RMDN2: variants seen among roughly 807,000 people sequenced by gnomAD.
RMDN2 encodes the protein regulator of microtubule dynamics 2, also known as regulator of microtubule dynamics protein 2.
Under a neutral mutation model 52.8 loss-of-function variants are expected in RMDN2, and 61 were observed. The ratio of observed to expected loss-of-function variants is 1.16; its 90% CI spans 0.94 to 1.43. The LOEUF (loss-of-function observed/expected upper bound fraction) is 1.43. RMDN2 is among the 40% of genes most tolerant of loss of function. The pLI, the probability that RMDN2 is intolerant of heterozygous loss-of-function variation, is 0.00. For missense variants in RMDN2, 592 were observed against 475.3 expected, an observed-to-expected ratio of 1.25 and a Z score of -2.28; for synonymous variants, 180 against 153.1, an observed-to-expected ratio of 1.18 and a Z score of -1.30.
At chr2:38,056,874 C>T (rs2125304832) in intron 10 of RMDN2, among the ~76,000 whole-genome samples, 1 of 152,204 alleles carries the variant, frequency 6.6e-6, no homozygotes, top group South Asian at 2.1e-4. Context: ...TTTTTTCCTT[C>T]CATTTAACTG....
chr2:37,921,854 G>A (rs546383470), upstream of RMDN2, among the ~76,000 whole-genome samples: 1 of 152,276 alleles, frequency 6.6e-6, no homozygotes, highest in African/African-American at 2.4e-5. Context: ...TAGATTGTTG[G>A]GAAAATGGAA....
intron 1 of RMDN2, among the ~76,000 whole-genome samples, chr2:37,926,167 T>TA (rs1666261231): frequency 6.6e-6 from 1 of 152,236 alleles, no homozygotes; most frequent in Admixed American, 6.5e-5. Flanking sequence ...CCGAGTTTAT[T>TA]AGAGTTATGC....
upstream of RMDN2, among the ~76,000 whole-genome samples, chr2:37,921,534 T>A (rs1010555478): frequency 6.6e-6 from 1 of 152,218 alleles, no homozygotes; most frequent in Admixed American, 6.5e-5. Context: ...ATGATCAGAT[T>A]TGAGAATTCA....
At chr2:37,940,773 TC>T (rs1471373050) in intron 2 of RMDN2, among the ~76,000 whole-genome samples, 1 of 152,192 alleles carries the variant, frequency 6.6e-6, no homozygotes, top group Non-Finnish European at 1.5e-5. Context: ...AACTTGTTAT[TC>T]TCATTAGCAA....
intron 10 of RMDN2, among the ~76,000 whole-genome samples, chr2:38,053,789 A>G (rs999645928): frequency 2.0e-5 from 3 of 152,164 alleles, no homozygotes; most frequent in African/African-American, 7.2e-5. Flanking sequence ...AAAAATACCA[A>G]TGCCAGGATC....
chr2:38,039,087 CACACACAG>C (rs1244337433), intron 10 of RMDN2, among the ~76,000 whole-genome samples: 1,147 of 113,784 alleles, frequency 0.01, 7 homozygotes, highest in South Asian at 0.028. Flanking sequence ...CACACACACA[CACACACAG>C]AGAGAGAGAT....
chr2:37,968,438 C>CAAAAAAAAAAA (rs71400332), intron 2 of RMDN2, among the ~76,000 whole-genome samples: 1 of 89,158 alleles, frequency 1.1e-5, no homozygotes, highest in African/African-American at 4.2e-5. Context: ...GACTCTGTCT[C>CAAAAAAAAAAA]AAAAAAAAAA....
chr2:37,997,375 G>A (rs1319445489), intron 7 of RMDN2, 41 bp from the exon 8 acceptor site: 1 of 1,276,746 alleles, frequency 7.8e-7, no homozygotes, highest in East Asian at 2.3e-5. Context: ...CATTCAAAAG[G>A]TGAACAACTT....
chr2:37,968,874 T>C (rs1437481045), intron 2 of RMDN2, among the ~76,000 whole-genome samples: 1 of 152,218 alleles, frequency 6.6e-6, no homozygotes, highest in Non-Finnish European at 1.5e-5. Context: ...AAAACTAATT[T>C]CTAACCCAAA....
chr2:38,064,693 C>T (rs996967132), intron 10 of RMDN2, among the ~76,000 whole-genome samples: 4 of 151,684 alleles, frequency 2.6e-5, no homozygotes, highest in African/African-American at 9.7e-5. Flanking sequence ...AATGAATATA[C>T]CATCGAATAG....
chr2:38,058,990 G>A (rs1280242307), intron 10 of RMDN2, among the ~76,000 whole-genome samples: 1 of 152,190 alleles, frequency 6.6e-6, no homozygotes, highest in Non-Finnish European at 1.5e-5. Flanking sequence ...TCTTATCATA[G>A]TGTTTTACCC....
At chr2:37,980,147 A>T (rs1673112087) in intron 4 of RMDN2, among the ~76,000 whole-genome samples, 1 of 152,168 alleles carries the variant, frequency 6.6e-6, no homozygotes, top group South Asian at 2.1e-4. Flanking sequence ...ATCCTTGGAT[A>T]GTCTCTTCAA....
chr2:38,022,023 C>T (rs966679884), downstream of RMDN2, among the ~76,000 whole-genome samples: 1 of 152,160 alleles, frequency 6.6e-6, no homozygotes, highest in Non-Finnish European at 1.5e-5. Context: ...AATGACATAA[C>T]TGAGGCTTGG....
chr2:37,930,703 G>A (rs111657226), intron 2 of RMDN2, among the ~76,000 whole-genome samples: 95 of 152,304 alleles, frequency 6.2e-4, no homozygotes, highest in Non-Finnish European at 1.1e-3. Flanking sequence ...CCCAACCCTG[G>A]ATGGAACCCA....
chr2:38,018,909 T>A (rs528828347), downstream of RMDN2, among the ~76,000 whole-genome samples: 2 of 152,090 alleles, frequency 1.3e-5, no homozygotes, highest in South Asian at 2.1e-4. Context: ...CACACACACA[T>A]TTATACACTT....
At chr2:37,969,914 T>G (rs528256123) in intron 2 of RMDN2, among the ~76,000 whole-genome samples, 2 of 152,042 alleles carry the variant, frequency 1.3e-5, no homozygotes, top group South Asian at 4.2e-4. Flanking sequence ...CTTTCTTTCC[T>G]TCCTTTCCCT....
chr2:37,937,050 T>C lies in RMDN2; in HGVS notation c.452+7321T>C, dbSNP rs544644400. On this transcript the variant is annotated intron_variant, in intron 2 of 10. Transcript: ENST00000354545. ...CAGGTCTTAACGCTTAAGTCTTTAA[T>C]CCAATCCATCTTGAGTTAATTTTTT... Among the ~76,000 whole-genome samples the C allele has an allele frequency of 2.0e-5, 3 of 152,318 alleles. No homozygotes were observed. In the East Asian group the frequency reaches 5.8e-4, roughly 29 times the overall value.
At chr2:38,045,830 C>T (rs1293995407) in intron 10 of RMDN2, among the ~76,000 whole-genome samples, 1 of 152,176 alleles carries the variant, frequency 6.6e-6, no homozygotes, top group African/African-American at 2.4e-5. Context: ...ATGCTGCAGA[C>T]TTGATTTGGA....
chr2:37,923,455 A>C (rs1666088365), upstream of RMDN2: 1 of 152,216 alleles, frequency 6.6e-6, no homozygotes, highest in Non-Finnish European at 1.5e-5. Context: ...TGAACAACTC[A>C]GTGGGCTCCT....
Sources: allele counts gnomAD v4.1 joint callset (sites outside exome capture counted in the v4.1 genomes callset), GRCh38; gene constraint gnomAD v4.1.1; transcripts MANE v1.5; gene names NCBI Gene and HGNC (gene_info 2026-07-23, HGNC 2026-07-21).